Variants in UBE3B observed in about 807,000 individuals in gnomAD.
UBE3B encodes ubiquitin-protein ligase E3B.
In UBE3B, 80 loss-of-function variants were observed where a neutral mutation model predicts 132.3. That is an observed-to-expected ratio of 0.60 (90% CI 0.50 to 0.73). The LOEUF (loss-of-function observed/expected upper bound fraction) is 0.73. UBE3B is among the 30% of genes least tolerant of loss of function. The pLI, the probability that UBE3B is intolerant of heterozygous loss-of-function variation, is 0.00. For missense variants in UBE3B, 1,196 were observed against 1,362.5 expected (o/e 0.88, Z 1.92); for synonymous variants, 487 against 520.4 (o/e 0.94, Z 0.87).
Position 109,497,880 on chromosome 12 carries a change from C to T in UBE3B, c.776C>T (p.Ser259Phe). 1 of 1,614,210 alleles carries T rather than the reference C, an allele frequency of 6.2e-7. No individual in the cohort carries two copies. Among genetic ancestry groups the T allele is most frequent in the Non-Finnish European group, 8.5e-7 (1 of 1,180,040 alleles). ...CGGCCGTTCCTCATCCACATCATGTCTGTGCCTGCTCTGGTGACTCATCTC... is the reference window on the plus strand; with the variant it reads ...CGGCCGTTCCTCATCCACATCATGTTTGTGCCTGCTCTGGTGACTCATCTC... Reference protein sequence around the residue: ...LIRPFLIHIMSVPALVTHLST... With the variant: ...LIRPFLIHIMFVPALVTHLST... The change falls in exon 10 of 28, where the codon TCT (serine) becomes TTT (phenylalanine). Residue 259 changes from serine (S) to phenylalanine (F), a missense_variant. Ser to Phe is a radical substitution (Grantham distance 155, BLOSUM62 -2). Coordinates refer to ENST00000342494, the MANE Select transcript of UBE3B (RefSeq NM_130466.4).
Position 109,477,893 on chromosome 12 carries a change from G to C in UBE3B, c.-344G>C, listed in dbSNP as rs1342857064. 6.5e-6 allele frequency: 1 copy of C among 153,624 alleles called. No individual in the cohort carries two copies. Among genetic ancestry groups the C allele is most frequent in the African/African-American group, 2.4e-5 (1 of 41,480 alleles). 9.5% of individuals were successfully genotyped at this position (153,624 alleles called of 1,614,324 possible). A position where few individuals can be genotyped will look rare whatever the true frequency, so the allele number is the denominator to read the frequency against. ...CTAGGGCACAGTCCCTGCCTGGCCA[G>C]GTCGGAGGAACAAGTGCTGGGATCT... is the stretch of plus-strand genomic sequence containing the variant. On this transcript the variant is annotated 5_prime_UTR_variant, in exon 1 of 28. Transcript: ENST00000342494.
chr12:109,507,429 TA>T, intron 14 of UBE3B, 134 bp from the exon 15 acceptor site: 1 of 966,096 alleles, frequency 1.0e-6, no homozygotes, highest in Non-Finnish European at 1.5e-6. Context: ...CTTTTCTCCA[TA>T]ATCCCACCTT....
chr12:109,515,389 G>C (rs1880908616), intron 18 of UBE3B, among the ~76,000 whole-genome samples: 2 of 151,596 alleles, frequency 1.3e-5, no homozygotes, highest in Admixed American at 6.6e-5. Context: ...GTTGTTTTGA[G>C]ACAGAGTTTC....
At chr12:109,532,953 C>T (rs543476177) in intron 26 of UBE3B, among the ~76,000 whole-genome samples, 1 of 152,238 alleles carries the variant, frequency 6.6e-6, no homozygotes, top group Non-Finnish European at 1.5e-5. Flanking sequence ...GAATAAGGAG[C>T]CGGCAGGATG....
At chr12:109,494,660 A>C (rs1877948959) in intron 9 of UBE3B, among the ~76,000 whole-genome samples, 1 of 152,248 alleles carries the variant, frequency 6.6e-6, no homozygotes, top group African/African-American at 2.4e-5. Flanking sequence ...CTAAAGAAAG[A>C]TTCTGTTGAC....
chr12:109,481,037 G>A (rs569679830), intron 1 of UBE3B, among the ~76,000 whole-genome samples: 41 of 151,552 alleles, frequency 2.7e-4, no homozygotes, highest in East Asian at 7.8e-4. Flanking sequence ...CCCGGGAGGC[G>A]GAGCTTGCAG....
At chr12:109,518,209 C>G (rs528050259) in intron 19 of UBE3B, among the ~76,000 whole-genome samples, 1 of 152,088 alleles carries the variant, frequency 6.6e-6, no homozygotes, top group Non-Finnish European at 1.5e-5. Context: ...ATAGCCCCCA[C>G]GAGTGAGTTG....
chr12:109,514,522 AC>A (rs1880763532), intron 18 of UBE3B, among the ~76,000 whole-genome samples: 1 of 151,462 alleles, frequency 6.6e-6, no homozygotes, highest in African/African-American at 2.4e-5. Flanking sequence ...TGCTATCTCC[AC>A]CCCATACTGG....
chr12:109,483,415 A>G, intron 2 of UBE3B, 116 bp from the exon 3 acceptor site: 1 of 1,057,642 alleles, frequency 9.5e-7, no homozygotes, highest in African/African-American at 1.6e-5. Flanking sequence ...GGGTGTTGAC[A>G]GGTCCTGAGT....
chr12:109,499,893 G>A lies in UBE3B; in HGVS notation c.1118+83G>A, dbSNP rs1878745159. 71 of 1,313,014 alleles carry A rather than the reference G, an allele frequency of 5.4e-5. No homozygotes were observed. In the South Asian group the frequency reaches 1.4e-3, roughly 26 times the overall value. 81.3% of individuals were successfully genotyped at this position (1,313,014 alleles called of 1,614,324 possible). Reference sequence around the variant, plus strand: ...CCTTCTTTCTTTCTTCCAGCTTGTGGTGTTTTGTTTCTTATTATAAAAATA... The same window carrying A: ...CCTTCTTTCTTTCTTCCAGCTTGTGATGTTTTGTTTCTTATTATAAAAATA... On this transcript the variant is annotated intron_variant, in intron 12 of 27. Coordinates refer to ENST00000342494, the MANE Select transcript of UBE3B (RefSeq NM_130466.4).
At position 109,534,346 on chromosome 12, in the gene UBE3B, T is replaced by A. The variant is rs1051366196; in HGVS notation, c.3016-245T>A. On this transcript the variant is annotated intron_variant, in intron 27 of 27. Transcript: ENST00000342494. The surrounding 1 kb of genome is among the most constrained non-coding windows in gnomAD (Gnocchi z 5.2). ...TCGCTGTGAACCGGAAGGCCCCATT[T>A]CCAAAAGCTTACTTAGTGCAGGAAT... The A allele has an allele frequency of 7.1e-7, 1 of 1,412,388 alleles. No individual in the cohort carries two copies. The allele number at this position is 1,412,388 out of a possible 1,614,324, so 87.5% of individuals were successfully genotyped here. A position where few individuals can be genotyped will look rare whatever the true frequency, so the allele number is the denominator to read the frequency against.
rs781340424 is a variant in UBE3B, at chr12:109,521,865, C to T, written c.2364+314C>T. Among the ~76,000 whole-genome samples the T allele has an allele frequency of 6.6e-6, 1 of 152,198 alleles. No homozygotes were observed. The highest frequency in any genetic ancestry group is 1.5e-5 in the Non-Finnish European group (1 of 68,028). On this transcript the variant is annotated intron_variant, in intron 21 of 27. Transcript: ENST00000342494. The surrounding 1 kb of genome is among the most constrained non-coding windows in gnomAD (Gnocchi z 4.2). ...TTAAGTGGTAGAGGTGGAATTTGAA[C>T]CCAGGCCGGCCCAAGTCCTAAGGCC...
chr12:109,498,027 C>A, intron 10 of UBE3B, 104 bp downstream of exon 10: 1 of 1,379,338 alleles, frequency 7.2e-7, no homozygotes, highest in South Asian at 1.2e-5. Context: ...CCACACCTCC[C>A]TTTAATTGTT....
Position 109,503,072 on chromosome 12 carries a change from C to T in UBE3B, c.1332C>T (p.Leu444=), listed in dbSNP as rs1423561053. Residue 444 remains leucine, a synonymous_variant, in exon 14 of 28, where the codon CTC becomes CTT. Coordinates refer to ENST00000342494, the MANE Select transcript of UBE3B (RefSeq NM_130466.4). The part of the protein sequence containing the change: ...FQKSASVRNI[L]RPVGGKRVDS... ...AGTCGGCATCAGTCCGGAATATTCTCAGGCCTGTCGGGGGTAAACGGGTCG... is the reference window on the plus strand; with the variant it reads ...AGTCGGCATCAGTCCGGAATATTCTTAGGCCTGTCGGGGGTAAACGGGTCG... 2.5e-6 allele frequency: 4 copies of T among 1,614,214 alleles called. No individual in the cohort carries two copies. In the South Asian group the frequency reaches 4.4e-5, roughly 18 times the overall value.
chr12:109,488,014 T>G (rs1200050567), intron 6 of UBE3B, among the ~76,000 whole-genome samples: 1 of 152,232 alleles, frequency 6.6e-6, no homozygotes. Flanking sequence ...CAGCCAACAT[T>G]ACATGGAGTT....
chr12:109,502,602 AC>A (rs1879139222), intron 13 of UBE3B, among the ~76,000 whole-genome samples: 1 of 152,172 alleles, frequency 6.6e-6, no homozygotes, highest in South Asian at 2.1e-4. Context: ...ATCATTCAAA[AC>A]CAGGTGTCAG....
Position 109,511,284 on chromosome 12 carries a change from A to G in UBE3B, c.1937A>G (p.His646Arg), listed in dbSNP as rs1566097921. The change falls in exon 18 of 28, where the codon CAT (histidine) becomes CGT (arginine). Residue 646 changes from histidine (H) to arginine (R), a missense_variant. Transcript: ENST00000342494. Reference protein sequence around the residue: ...RAQLILQYIPHVIPHKNRVLL... With the variant: ...RAQLILQYIPRVIPHKNRVLL... The stretch of plus-strand genomic sequence containing the variant: ...CAGTTGATCCTGCAGTACATCCCAC[A>G]TGTCATCCCTCACAAAAACGTGAGT... The G allele has an allele frequency of 6.2e-7, 1 of 1,614,086 alleles. No individual in the cohort carries two copies. The highest frequency in any genetic ancestry group is 1.6e-4 in the Middle Eastern group (1 of 6,062).
chr12:109,483,596 AGCCCGTCAG>A lies in UBE3B; in HGVS notation c.48_56del (p.Gln18_Arg20del). Reference sequence around the variant, plus strand: ...CCTCGAGAGCATGGTTCATCGATAGAGCCCGTCAGGCACGAGAAGAAAGGCTTGTGCAGA... The same window carrying A: ...CCTCGAGAGCATGGTTCATCGATAGAGCACGAGAAGAAAGGCTTGTGCAGA... On this transcript the variant is annotated inframe_deletion, in exon 3 of 28. Transcript: ENST00000342494. The A allele has an allele frequency of 6.2e-7, 1 of 1,610,528 alleles. No individual in the cohort carries two copies. The highest frequency in any genetic ancestry group is 8.5e-7 in the Non-Finnish European group (1 of 1,178,956).
In UBE3B at chr12:109,522,247, T is replaced by G. The variant is rs1369554448; in HGVS notation, c.2364+696T>G. ...TGGATCGGAGCAGTCATCCTCACCT[T>G]ACTAAGAGGAAGTGAGTCTGGGTTT... On this transcript the variant is annotated intron_variant, in intron 21 of 27. Transcript: ENST00000342494. The surrounding 1 kb of genome is among the most constrained non-coding windows in gnomAD (Gnocchi z 4.2). 6.6e-6 allele frequency among the ~76,000 whole-genome samples: 1 copy of G among 152,158 alleles called. No homozygotes were observed. Among genetic ancestry groups the G allele is most frequent in the Non-Finnish European group, 1.5e-5 (1 of 68,032 alleles).
Sources: allele counts gnomAD v4.1 joint callset (sites outside exome capture counted in the v4.1 genomes callset), GRCh38; gene constraint gnomAD v4.1.1; non-coding constraint Gnocchi (gnomAD v3.1); transcripts MANE v1.5; gene names NCBI Gene and HGNC (gene_info 2026-07-23, HGNC 2026-07-21).